The following PHYH variants were observed in gnomAD, a reference collection of about 807,000 sequenced individuals.
The protein encoded by PHYH is phytanoyl-CoA dioxygenase, peroxisomal.
PHYH carries 32 observed loss-of-function variants against 38.5 expected under a neutral mutation model. That is an observed-to-expected ratio of 0.83 (90% CI 0.63 to 1.12). PHYH has a LOEUF of 1.12. PHYH is among the 50% of genes most tolerant of loss of function. The probability of loss-of-function intolerance (pLI) is 0.00; values close to 1 mark genes in which losing one functional copy is unlikely to be tolerated. For missense variants in PHYH, 426 were observed against 434.8 expected (o/e 0.98, Z 0.18); for synonymous variants, 166 against 157.9 (o/e 1.05, Z -0.38).
chr10:13,296,367 G>A lies in PHYH; in HGVS notation c.135-761C>T, dbSNP rs534438871. Reference sequence around the variant, plus strand: ...TGAGGCAGGTGGATCACCTGAGGTCGGGAGTTCGAGACCAGCCTGACTCAC... The same window carrying A: ...TGAGGCAGGTGGATCACCTGAGGTCAGGAGTTCGAGACCAGCCTGACTCAC... On this transcript the variant is annotated intron_variant, in intron 2 of 8. Transcript: ENST00000263038. Among the ~76,000 whole-genome samples, 697 of 150,584 alleles carry A rather than the reference G, an allele frequency of 4.6e-3. 3 individuals are homozygous for A. The highest frequency in any genetic ancestry group is 6.9e-3 in the Non-Finnish European group (465 of 67,658).
chr10:13,294,302 T>A, intron 4 of PHYH, 126 bp downstream of exon 4: 1 of 825,902 alleles, frequency 1.2e-6, no homozygotes, highest in South Asian at 1.4e-5. Context: ...GCGATCCACC[T>A]GCCTCAGCCT....
intron 6 of PHYH, among the ~76,000 whole-genome samples, chr10:13,284,464 G>A (rs973244342): frequency 6.6e-6 from 1 of 152,154 alleles, no homozygotes; most frequent in Non-Finnish European, 1.5e-5. Context: ...TTTGCCTTTT[G>A]TGGTTAATGC....
At chr10:13,278,961 G>A (rs1161399839) in intron 8 of PHYH, among the ~76,000 whole-genome samples, 1 of 152,006 alleles carries the variant, frequency 6.6e-6, no homozygotes, top group Non-Finnish European at 1.5e-5. Flanking sequence ...TCAATGTCAT[G>A]TCGGGTTACA....
rs1554785619 is a variant in PHYH, at chr10:13,298,718, C to CTACTACT, written c.76-474_76-473insAGTAGTA. Among the ~76,000 whole-genome samples, 85 of 93,360 alleles carry CTACTACT rather than the reference C, an allele frequency of 9.1e-4. 1 individual carries two copies. The highest frequency in any genetic ancestry group is 5.2e-3 in the East Asian group (15 of 2,860). The allele number at this position is 93,360 out of a possible 152,430, so 61.2% of individuals were successfully genotyped here. A position where few individuals can be genotyped will look rare whatever the true frequency, so the allele number is the denominator to read the frequency against. ...TCCATCTCAGAAAAAAAACTACCAC[C>CTACTACT]ACTACTACTACTACTACTACTACTA... On this transcript the variant is annotated intron_variant, in intron 1 of 8. Transcript: ENST00000263038.
chr10:13,286,418 G>A (rs896762044), intron 6 of PHYH, among the ~76,000 whole-genome samples: 1 of 152,246 alleles, frequency 6.6e-6, no homozygotes, highest in African/African-American at 2.4e-5. Flanking sequence ...GCAAGGGAAG[G>A]GAAAGAACTA....
In PHYH at chr10:13,292,136, G is replaced by T. The variant is rs1414395; in HGVS notation, c.415-224C>A. On this transcript the variant is annotated intron_variant, in intron 4 of 8. Coordinates refer to ENST00000263038, the MANE Select transcript of PHYH (RefSeq NM_006214.4). Reference sequence around the variant, plus strand: ...AATGGGCTTTTTCTGAGCTAGCTGGGAATGAAACCATTTTTTCTCTACAAG... The same window carrying T: ...AATGGGCTTTTTCTGAGCTAGCTGGTAATGAAACCATTTTTTCTCTACAAG... 0.42 allele frequency among the ~76,000 whole-genome samples: 63,165 copies of T among 151,992 alleles called. 13,474 individuals are homozygous for T. Among genetic ancestry groups the T allele is most frequent in the African/African-American group, 0.5 (20,910 of 41,456 alleles).
intron 8 of PHYH, among the ~76,000 whole-genome samples, 161 bp downstream of exon 8, chr10:13,280,815 G>A: frequency 6.6e-6 from 1 of 152,154 alleles, no homozygotes; most frequent in East Asian, 1.9e-4. Context: ...AGTGTAAATG[G>A]AAATTCCATT....
chr10:13,296,753 G>A (rs1192801413), intron 2 of PHYH, among the ~76,000 whole-genome samples: 1 of 132,054 alleles, frequency 7.6e-6, no homozygotes, highest in Admixed American at 7.3e-5. Flanking sequence ...AGGTCAGATC[G>A]GGACCATCCT....
At chr10:13,282,865 C>T (rs1669277054) in intron 7 of PHYH, among the ~76,000 whole-genome samples, 1 of 152,016 alleles carries the variant, frequency 6.6e-6, no homozygotes, top group Non-Finnish European at 1.5e-5. Flanking sequence ...TTACATTTTA[C>T]CCCTGGAGAG....
chr10:13,290,337 C>T (rs768758097), intron 5 of PHYH, among the ~76,000 whole-genome samples: 1 of 151,814 alleles, frequency 6.6e-6, no homozygotes, highest in African/African-American at 2.4e-5. Context: ...AGGTCCTCAC[C>T]CCCCACAACT....
intron 2 of PHYH, 58 bp from the exon 3 acceptor site, chr10:13,295,664 A>G: frequency 1.3e-6 from 1 of 793,938 alleles, no homozygotes; most frequent in Non-Finnish European, 2.3e-6. Flanking sequence ...GGCTAGGCAC[A>G]ATGGCTCACA....
intron 6 of PHYH, among the ~76,000 whole-genome samples, chr10:13,286,537 C>T (rs1348363981): frequency 6.6e-6 from 1 of 151,910 alleles, no homozygotes; most frequent in Non-Finnish European, 1.5e-5. Flanking sequence ...CTCGTCTCTA[C>T]TAAAAATATA....
At position 13,277,973 on chromosome 10, in the gene PHYH, A is replaced by G. The variant is rs1442639347; in HGVS notation, c.*328T>C. ...GGATACAAAACATACCCTAAGCTCC[A>G]AATCATTCACTTCTTCTTGGGTAAA... On this transcript the variant is annotated 3_prime_UTR_variant, in exon 9 of 9. Coordinates refer to ENST00000263038, the MANE Select transcript of PHYH (RefSeq NM_006214.4). 2.8e-6 allele frequency: 1 copy of G among 358,942 alleles called. No individual in the cohort carries two copies. Among genetic ancestry groups the G allele is most frequent in the African/African-American group, 2.1e-5 (1 of 47,464 alleles). The allele number at this position is 358,942 out of a possible 1,614,324, so 22.2% of individuals were successfully genotyped here. A position where few individuals can be genotyped will look rare whatever the true frequency, so the allele number is the denominator to read the frequency against.
intron 6 of PHYH, among the ~76,000 whole-genome samples, chr10:13,287,130 A>G (rs1047425571): frequency 1.3e-5 from 2 of 152,128 alleles, no homozygotes; most frequent in Non-Finnish European, 2.9e-5. Context: ...CACGAGTTAA[A>G]GAGATCAGGA....
chr10:13,290,085 A>G (rs1284031371), intron 5 of PHYH, among the ~76,000 whole-genome samples: 1 of 146,986 alleles, frequency 6.8e-6, no homozygotes, highest in Non-Finnish European at 1.5e-5. Flanking sequence ...CCTGACCAAC[A>G]TGGTGAAACC....
At chr10:13,289,807 A>G (rs1461732846) in intron 5 of PHYH, among the ~76,000 whole-genome samples, 1 of 151,386 alleles carries the variant, frequency 6.6e-6, no homozygotes, top group African/African-American at 2.4e-5. Context: ...GGTGCACACC[A>G]GTACTCCCAG....
At chr10:13,282,082 C>CA (rs1370513785) in intron 7 of PHYH, among the ~76,000 whole-genome samples, 1 of 151,578 alleles carries the variant, frequency 6.6e-6, no homozygotes, top group Non-Finnish European at 1.5e-5. Context: ...CATGTCTGTA[C>CA]AAAAAATGAA....
Position 13,291,928 on chromosome 10 carries a change from A to G in PHYH, c.415-16T>C. 7 of 1,549,788 alleles carry G rather than the reference A, an allele frequency of 4.5e-6. No individual in the cohort carries two copies. Among genetic ancestry groups the G allele is most frequent in the Non-Finnish European group, 6.2e-6 (7 of 1,125,914 alleles). ...ATTTCAGAATCTAAGAAAGCAAAAA[A>G]AAAACAAAAACAAACCTTGTGGGAA... On this transcript the variant is annotated splice_polypyrimidine_tract_variant and intron_variant, in intron 4 of 8. Coordinates refer to ENST00000263038, the MANE Select transcript of PHYH (RefSeq NM_006214.4).
At chr10:13,292,246 C>A (rs550383460) in intron 4 of PHYH, among the ~76,000 whole-genome samples, 19 of 152,186 alleles carry the variant, frequency 1.2e-4, no homozygotes, top group Non-Finnish European at 2.5e-4. Flanking sequence ...GGGCAGTTTC[C>A]TCTTCCTCAT....
Sources: allele counts gnomAD v4.1 joint callset (sites outside exome capture counted in the v4.1 genomes callset), GRCh38; gene constraint gnomAD v4.1.1; transcripts MANE v1.5; gene names NCBI Gene and HGNC (gene_info 2026-07-23, HGNC 2026-07-21).